OSMR: variants seen among roughly 807,000 people sequenced by gnomAD.
OSMR encodes oncostatin-M-specific receptor subunit beta.
Under a neutral mutation model 99.9 loss-of-function variants are expected in OSMR, and 81 were observed. The ratio of observed to expected loss-of-function variants is 0.81; its 90% CI spans 0.68 to 0.97. OSMR has a LOEUF of 0.97. Ranked by LOEUF, OSMR falls within the 50% of genes least tolerant of loss-of-function variation. OSMR has a pLI of 0.00. For missense variants in OSMR, 1,099 were observed against 1,153.4 expected (o/e 0.95, Z 0.68); for synonymous variants, 406 against 410.4 (o/e 0.99, Z 0.13).
chr5:38,931,974 T>A lies in OSMR; in HGVS notation c.2294+10T>A. The stretch of plus-strand genomic sequence containing the variant: ...ACTTGAAAAGTCAGTGGTAAGTGTG[T>A]GAGGAAGGTTTTATCCAAGAAGAGA... On this transcript the variant is annotated intron_variant, in intron 16 of 17. Coordinates refer to ENST00000274276, the MANE Select transcript of OSMR (RefSeq NM_003999.3). 1 of 1,604,168 alleles carries A rather than the reference T, an allele frequency of 6.2e-7. No individual in the cohort carries two copies. Among genetic ancestry groups the A allele is most frequent in the Non-Finnish European group, 8.5e-7 (1 of 1,171,130 alleles).
chr5:38,881,579 C>T lies in OSMR; in HGVS notation c.247-14C>T. On this transcript the variant is annotated splice_polypyrimidine_tract_variant and intron_variant, in intron 3 of 17. Transcript: ENST00000274276. ...ATGGCTATGTGTCTCCAATTGTTTT[C>T]TCTTTGCTTTTAGGGGAATTACAGC... 6.2e-7 allele frequency: 1 copy of T among 1,614,172 alleles called. No individual in the cohort carries two copies. The highest frequency in any genetic ancestry group is 2.2e-5 in the East Asian group (1 of 44,880).
At chr5:38,858,866 T>G (rs1484454660) in intron 1 of OSMR, among the ~76,000 whole-genome samples, 2 of 152,232 alleles carry the variant, frequency 1.3e-5, no homozygotes, top group Non-Finnish European at 2.9e-5. Context: ...TTATTGATGT[T>G]GGGCATTTTT....
At chr5:38,907,327 C>T (rs1745307664) in intron 9 of OSMR, among the ~76,000 whole-genome samples, 1 of 152,212 alleles carries the variant, frequency 6.6e-6, no homozygotes, top group South Asian at 2.1e-4. Flanking sequence ...ACCCCACAAC[C>T]CTCATGGACA....
Position 38,932,476 on chromosome 5 carries a change from T to C in OSMR, c.2308T>C (p.Cys770Arg). The C allele has an allele frequency of 1.2e-6, 2 of 1,613,284 alleles. No individual in the cohort carries two copies. The highest frequency in any genetic ancestry group is 8.5e-7 in the Non-Finnish European group (1 of 1,179,294). The part of the protein sequence containing the change: ...YLKSQWIKET[C>R]YPDIPDPYKS... ...TTTTTTTTCTAGGATCAAGGAGACC[T>C]GTTATCCTGACATCCCTGACCCTTA... Residue 770 changes from cysteine (C) to arginine (R), a missense_variant, in exon 17 of 18, where the codon TGT (cysteine) becomes CGT (arginine). Cys to Arg is a radical substitution (Grantham distance 180). Coordinates refer to ENST00000274276, the MANE Select transcript of OSMR (RefSeq NM_003999.3).
chr5:38,853,444 A>G (rs926030632), intron 1 of OSMR, among the ~76,000 whole-genome samples: 1 of 152,206 alleles, frequency 6.6e-6, no homozygotes, highest in African/African-American at 2.4e-5. Flanking sequence ...ATGGTTTTTA[A>G]GTACCAAAGT....
At chr5:38,944,835 A>T (rs1561435669) in intron 2 of OSMR, 9 of 1,363,800 alleles carry the variant, frequency 6.6e-6, no homozygotes, top group Non-Finnish European at 9.4e-6. Context: ...AATTTACAGT[A>T]TTTACGAAAA....
intron 9 of OSMR, among the ~76,000 whole-genome samples, chr5:38,910,131 G>A (rs1249069095): frequency 1.3e-5 from 2 of 151,984 alleles, no homozygotes; most frequent in Admixed American, 6.6e-5. Flanking sequence ...GACAAAGAAG[G>A]GCATTACATA....
At position 38,891,657 on chromosome 5, in the gene OSMR, G is replaced by A. The variant is rs553050040; in HGVS notation, c.991+5467G>A. On this transcript the variant is annotated intron_variant, in intron 7 of 17. Transcript: ENST00000274276. ...GAGAACCCACCTGCCCCTGCCCCAGGCCTCTGGACTAACAGAGAACTGCCT... is the reference window on the plus strand; with the variant it reads ...GAGAACCCACCTGCCCCTGCCCCAGACCTCTGGACTAACAGAGAACTGCCT... Among the ~76,000 whole-genome samples the A allele has an allele frequency of 2.7e-4, 41 of 152,138 alleles. No homozygotes were observed. In the South Asian group the frequency reaches 7.7e-3, roughly 28 times the overall value.
chr5:38,905,028 A>G (rs1438468232), intron 9 of OSMR, among the ~76,000 whole-genome samples: 1 of 152,150 alleles, frequency 6.6e-6, no homozygotes, highest in Non-Finnish European at 1.5e-5. Context: ...CTAAATAACT[A>G]TGTCTGAGAA....
In OSMR at chr5:38,917,608, A is replaced by T; in HGVS notation, c.1348A>T (p.Thr450Ser). The change falls in exon 10 of 18, where the codon ACC becomes TCC. Residue 450 changes from threonine to serine, a missense_variant. By Grantham distance (58) the Thr-to-Ser change is moderately conservative. Transcript: ENST00000274276. ...CTTGGAGCCAGGAAATCATACTGTG[A>T]CCTTATTCTGGAAGGTAAGATGTGC... is the stretch of plus-strand genomic sequence containing the variant. ...VSLEPGNHTV[T>S]LFWKPLSKLH... is the part of the protein sequence containing the mutation. The T allele has an allele frequency of 6.2e-7, 1 of 1,612,962 alleles. No individual in the cohort carries two copies.
At chr5:38,938,980 A>G (rs569778162), downstream of OSMR, 1 of 233,152 alleles carries the variant, frequency 4.3e-6, no homozygotes, top group South Asian at 1.8e-4. Context: ...ATAAGACTAA[A>G]GGAGAAAAAA....
chr5:38,890,673 C>T (rs765454989), intron 7 of OSMR, among the ~76,000 whole-genome samples: 26 of 150,182 alleles, frequency 1.7e-4, no homozygotes, highest in Non-Finnish European at 3.8e-4. Context: ...TTGAAATTAG[C>T]AACAGTAGAA....
intron 7 of OSMR, among the ~76,000 whole-genome samples, chr5:38,888,071 C>A (rs1743910206): frequency 6.6e-6 from 1 of 152,092 alleles, no homozygotes; most frequent in Non-Finnish European, 1.5e-5. Context: ...CCATGCGAGA[C>A]AGACGGAGGA....
intron 7 of OSMR, among the ~76,000 whole-genome samples, chr5:38,893,821 A>G (rs868437208): frequency 6.6e-6 from 1 of 152,220 alleles, no homozygotes; most frequent in African/African-American, 2.4e-5. Context: ...CAAGAAATCC[A>G]GAGAACACCT....
intron 9 of OSMR, among the ~76,000 whole-genome samples, chr5:38,916,781 T>G (rs1166563980): frequency 6.6e-6 from 1 of 152,184 alleles, no homozygotes; most frequent in Non-Finnish European, 1.5e-5. Flanking sequence ...GGTTGTTTTC[T>G]GAGTTCCTTT....
At chr5:38,861,832 C>T (rs536519698) in intron 1 of OSMR, among the ~76,000 whole-genome samples, 97 of 144,016 alleles carry the variant, frequency 6.7e-4, no homozygotes, top group Non-Finnish European at 1.3e-3. Flanking sequence ...TGGGCAGAGG[C>T]GCCCCTCACC....
At chr5:38,873,484 A>G (rs932493829) in intron 2 of OSMR, among the ~76,000 whole-genome samples, 6 of 152,130 alleles carry the variant, frequency 3.9e-5, no homozygotes, top group African/African-American at 1.4e-4. Flanking sequence ...TGGTGATTCT[A>G]TTTTAACTTT....
intron 1 of OSMR, among the ~76,000 whole-genome samples, chr5:38,846,698 GGA>G (rs1561321481): frequency 2.6e-5 from 4 of 152,120 alleles, no homozygotes; most frequent in Admixed American, 2.6e-4. Context: ...AAGCACAGGT[GGA>G]GAGAGGAATC....
At chr5:38,856,321 C>T (rs966844312) in intron 1 of OSMR, among the ~76,000 whole-genome samples, 17 of 152,172 alleles carry the variant, frequency 1.1e-4, no homozygotes, top group African/African-American at 2.4e-4. Flanking sequence ...CTGTTCTGCA[C>T]GTTTTGATAT....
Sources: allele counts gnomAD v4.1 joint callset (sites outside exome capture counted in the v4.1 genomes callset), GRCh38; gene constraint gnomAD v4.1.1; transcripts MANE v1.5; gene names NCBI Gene and HGNC (gene_info 2026-07-23, HGNC 2026-07-21).